FAM227B: variants seen among roughly 807,000 people sequenced by gnomAD.
The protein encoded by FAM227B is family with sequence similarity 227 member B.
FAM227B carries 88 observed loss-of-function variants against 73.8 expected under a neutral mutation model. That is an observed-to-expected ratio of 1.19 (90% CI 1.00 to 1.42). The LOEUF (loss-of-function observed/expected upper bound fraction) is 1.42. Ranked by LOEUF, FAM227B falls within the 40% of genes most tolerant of loss-of-function variation. The probability of loss-of-function intolerance (pLI) is 0.00; values close to 1 mark genes in which losing one functional copy is unlikely to be tolerated. For synonymous variants in FAM227B, 210 were observed against 190.5 expected (o/e 1.10, Z -0.84); for missense variants, 632 against 590.9 (o/e 1.07, Z -0.72).
intron 11 of FAM227B, chr15:49,487,103 G>A (rs1413628274): frequency 6.6e-6 from 1 of 151,786 alleles, no homozygotes; most frequent in African/African-American, 2.4e-5. Context: ...GTACACAAAT[G>A]TGACTATGTC....
intron 10 of FAM227B, among the ~76,000 whole-genome samples, chr15:49,540,492 A>C (rs1483095119): frequency 6.6e-6 from 1 of 152,140 alleles, no homozygotes; most frequent in African/African-American, 2.4e-5. Flanking sequence ...GTAGCTGTCT[A>C]ATTATTTTGT....
intron 11 of FAM227B, among the ~76,000 whole-genome samples, chr15:49,408,813 T>A (rs562087795): frequency 1.3e-5 from 2 of 152,054 alleles, no homozygotes; most frequent in South Asian, 2.1e-4. Context: ...TGGGAGCAAG[T>A]AACATGTGTT....
chr15:49,494,288 CA>C (rs1308327585), intron 11 of FAM227B, among the ~76,000 whole-genome samples: 9 of 144,806 alleles, frequency 6.2e-5, no homozygotes, highest in Non-Finnish European at 1.1e-4. Flanking sequence ...CACACACACA[CA>C]CCCTAAACAT....
At chr15:49,598,057 G>C (rs1314617254) in intron 3 of FAM227B, among the ~76,000 whole-genome samples, 1 of 151,778 alleles carries the variant, frequency 6.6e-6, no homozygotes, top group East Asian at 1.9e-4. Context: ...AAGAAGAATT[G>C]GTACCAATTC....
At chr15:49,365,692 G>T in intron 13 of FAM227B, 1 of 914,814 alleles carries the variant, frequency 1.1e-6, no homozygotes, top group Non-Finnish European at 1.8e-6. Context: ...CAACTTCAGT[G>T]TTTTAATTAA....
At chr15:49,590,137 T>C in intron 3 of FAM227B, 130 bp from the exon 4 acceptor site, 1 of 595,760 alleles carries the variant, frequency 1.7e-6, no homozygotes, top group Non-Finnish European at 2.9e-6. Flanking sequence ...TTTTTAAAAA[T>C]TTGAAACAAT....
intron 11 of FAM227B, among the ~76,000 whole-genome samples, chr15:49,500,253 T>C (rs2058029866): frequency 6.6e-6 from 1 of 152,202 alleles, no homozygotes; most frequent in South Asian, 2.1e-4. Context: ...TAAAGACCTC[T>C]TATAACTCAA....
chr15:49,583,909 T>C (rs2075981226), intron 5 of FAM227B, among the ~76,000 whole-genome samples: 1 of 152,154 alleles, frequency 6.6e-6, no homozygotes, highest in Non-Finnish European at 1.5e-5. Context: ...CCAGATAAAT[T>C]CACAACTGAA....
intron 11 of FAM227B, among the ~76,000 whole-genome samples, chr15:49,469,622 GTATT>G (rs1315208590): frequency 1.3e-5 from 2 of 151,994 alleles, no homozygotes; most frequent in Non-Finnish European, 2.9e-5. Flanking sequence ...ATTCAATAAA[GTATT>G]TACTTAAATT....
At chr15:49,410,229 T>C (rs1390965284) in intron 11 of FAM227B, among the ~76,000 whole-genome samples, 1 of 152,188 alleles carries the variant, frequency 6.6e-6, no homozygotes, top group Non-Finnish European at 1.5e-5. Context: ...CTCAGAGAAG[T>C]TAAATAACTT....
intron 11 of FAM227B, among the ~76,000 whole-genome samples, chr15:49,464,813 C>T (rs1001689968): frequency 2.0e-5 from 3 of 152,120 alleles, no homozygotes; most frequent in East Asian, 1.9e-4. Flanking sequence ...AGACAGATGC[C>T]ATTCTCCTTG....
At chr15:49,359,327 G>A (rs796491377) in intron 13 of FAM227B, among the ~76,000 whole-genome samples, 1,960 of 120,012 alleles carry the variant, frequency 0.016, 277 homozygotes, top group South Asian at 0.038. Flanking sequence ...GAAAATTTTC[G>A]CAACCTACTC....
At chr15:49,574,639 A>T (rs1166615054) in intron 8 of FAM227B, 1 of 153,914 alleles carries the variant, frequency 6.5e-6, no homozygotes, top group Non-Finnish European at 1.4e-5. Flanking sequence ...TCTTTATAAC[A>T]GTGTGAAAAC....
intron 13 of FAM227B, among the ~76,000 whole-genome samples, chr15:49,339,858 T>C (rs111307556): frequency 0.17 from 25,944 of 152,118 alleles, 2,493 homozygotes; most frequent in Non-Finnish European, 0.21. Context: ...AGCAGCGGCC[T>C]TGCTGAGCTG....
At chr15:49,464,305 G>C (rs1298402664) in intron 11 of FAM227B, among the ~76,000 whole-genome samples, 1 of 152,046 alleles carries the variant, frequency 6.6e-6, no homozygotes, top group Non-Finnish European at 1.5e-5. Flanking sequence ...GAGAATCACT[G>C]GTTCTTAAAA....
intron 13 of FAM227B, among the ~76,000 whole-genome samples, chr15:49,340,035 G>T (rs943010250): frequency 6.6e-6 from 1 of 152,154 alleles, no homozygotes; most frequent in African/African-American, 2.4e-5. Context: ...CAAGCCAGTG[G>T]ATCTTAACTT....
At chr15:49,491,701 GCA>G (rs376920032) in intron 11 of FAM227B, among the ~76,000 whole-genome samples, 4,903 of 144,044 alleles carry the variant, frequency 0.034, 273 homozygotes, top group African/African-American at 0.12. Flanking sequence ...GTAATTGATT[GCA>G]CACACACACA....
At chr15:49,417,096 A>G (rs907318908) in intron 11 of FAM227B, among the ~76,000 whole-genome samples, 1 of 152,214 alleles carries the variant, frequency 6.6e-6, no homozygotes, top group Non-Finnish European at 1.5e-5. Flanking sequence ...ATCCTAGGCC[A>G]AAAGAACATA....
intron 11 of FAM227B, chr15:49,485,816 T>C (rs1033387883): frequency 4.6e-5 from 7 of 152,234 alleles, no homozygotes; most frequent in African/African-American, 1.7e-4. Context: ...GAAAATATCA[T>C]ATTTTAAAAC....
Sources: allele counts gnomAD v4.1 joint callset (sites outside exome capture counted in the v4.1 genomes callset), GRCh38; gene constraint gnomAD v4.1.1; transcripts MANE v1.5; gene names NCBI Gene and HGNC (gene_info 2026-07-23, HGNC 2026-07-21).